The following CUX2 variants were observed in gnomAD, a reference collection of about 807,000 sequenced individuals.
CUX2 encodes the protein homeobox protein cut-like 2.
Under a neutral mutation model 144.8 loss-of-function variants are expected in CUX2, and 40 were observed. That is an observed-to-expected ratio of 0.28 (90% CI 0.21 to 0.36). The LOEUF is 0.36. Ranked by LOEUF, CUX2 falls within the 10% of genes least tolerant of loss-of-function variation. The pLI is 1.00. For missense variants in CUX2, 1,615 were observed against 1,994.0 expected (o/e 0.81, Z 3.62); for synonymous variants, 827 against 875.6 (o/e 0.94, Z 0.98).
Position 111,320,212 on chromosome 12 carries a change from A to G in CUX2, c.2203A>G (p.Thr735Ala), listed in dbSNP as rs771565607. The part of the protein sequence containing the change: ...PSPPERPSLA[T>A]ASQNGAPALV... ...GCCCCCGGAGCGGCCATCACTGGCC[A>G]CCGCGAGCCAGAACGGGGCCCCGGC... Residue 735 changes from threonine to alanine, a missense_variant, in exon 17 of 22, where the codon ACC becomes GCC. Transcript: ENST00000261726. The surrounding 1 kb of genome is among the most constrained non-coding windows in gnomAD (Gnocchi z 8.1). 18 of 1,546,498 alleles carry G rather than the reference A, an allele frequency of 1.2e-5. No individual in the cohort carries two copies. Among genetic ancestry groups the G allele is most frequent in the Middle Eastern group, 1.7e-4 (1 of 5,848 alleles).
At chr12:111,049,189 C>T (rs904096652) in intron 1 of CUX2, among the ~76,000 whole-genome samples, 12 of 152,036 alleles carry the variant, frequency 7.9e-5, no homozygotes, top group African/African-American at 2.7e-4. Flanking sequence ...ATCCATCCAT[C>T]CATCCATGAA....
intron 1 of CUX2, among the ~76,000 whole-genome samples, chr12:111,195,491 C>T (rs1880181825): frequency 6.6e-6 from 1 of 152,210 alleles, no homozygotes; most frequent in Admixed American, 6.5e-5. Flanking sequence ...TGTGAGATTT[C>T]AAGGGTACAG....
chr12:111,303,109 TACTC>T (rs1199093780), intron 9 of CUX2, among the ~76,000 whole-genome samples: 3 of 150,314 alleles, frequency 2.0e-5, no homozygotes, highest in African/African-American at 7.4e-5. Flanking sequence ...TAATCCCAGT[TACTC>T]AGGAGGCTGA....
rs868712845 is a variant in CUX2, at chr12:111,289,323, C to A, written c.302-2095C>A. Reference sequence around the variant, plus strand: ...CTAGGACAGGAGGCCTTTGTGATATCAAAGCAAGAGACCCAGATTCGAGTC... The same window carrying A: ...CTAGGACAGGAGGCCTTTGTGATATAAAAGCAAGAGACCCAGATTCGAGTC... On this transcript the variant is annotated intron_variant, in intron 4 of 21. Transcript: ENST00000261726. This position sits in a 1 kb window ranked among gnomAD's most constrained non-coding sequence, Gnocchi z 4.1. 6.6e-6 allele frequency among the ~76,000 whole-genome samples: 1 copy of A among 152,118 alleles called. No individual in the cohort carries two copies. Among genetic ancestry groups the A allele is most frequent in the African/African-American group, 2.4e-5 (1 of 41,422 alleles).
intron 1 of CUX2, among the ~76,000 whole-genome samples, chr12:111,152,302 A>G (rs1252364589): frequency 6.6e-6 from 1 of 152,018 alleles, no homozygotes; most frequent in East Asian, 1.9e-4. Flanking sequence ...ATAAATAAAT[A>G]AAATAAATAA....
intron 3 of CUX2, among the ~76,000 whole-genome samples, chr12:111,224,321 G>T (rs1183033695): frequency 6.6e-6 from 1 of 151,890 alleles, no homozygotes; most frequent in Admixed American, 6.6e-5. Flanking sequence ...TTGCAGCCAG[G>T]CTTCCTGAGA....
intron 1 of CUX2, among the ~76,000 whole-genome samples, chr12:111,084,871 C>T (rs910787476): frequency 3.3e-4 from 50 of 152,058 alleles, no homozygotes; most frequent in Middle Eastern, 3.2e-3. Context: ...GAGGCTGCTG[C>T]GGGGTGCAGG....
At position 111,081,562 on chromosome 12, in the gene CUX2, A is replaced by G. The variant is rs572407727; in HGVS notation, c.63+47322A>G. Among the ~76,000 whole-genome samples the G allele has an allele frequency of 3.9e-5, 6 of 152,172 alleles. No homozygotes were observed. The East Asian group carries it at 1.2e-3, about 30-fold the overall frequency. On this transcript the variant is annotated intron_variant, in intron 1 of 21. Transcript: ENST00000261726. ...AGAAACCGACTCAGCCCCCACCAAG[A>G]CTCATGTAAGGAGGGGCTTCTCCAC...
At chr12:111,292,952 A>G (rs1885768837) in intron 5 of CUX2, among the ~76,000 whole-genome samples, 1 of 152,110 alleles carries the variant, frequency 6.6e-6, no homozygotes. Context: ...GTAAAACCCC[A>G]TCTCTACTAA....
intron 3 of CUX2, among the ~76,000 whole-genome samples, chr12:111,227,329 C>T (rs908340450): frequency 2.6e-5 from 4 of 152,112 alleles, no homozygotes; most frequent in South Asian, 2.1e-4. Context: ...AGCCTAGAGT[C>T]GCCTGGAGCT....
intron 3 of CUX2, among the ~76,000 whole-genome samples, chr12:111,218,701 A>G (rs779855279): frequency 6.6e-6 from 1 of 152,146 alleles, no homozygotes; most frequent in Non-Finnish European, 1.5e-5. Context: ...CACAGTTACC[A>G]GCCCAACCAG....
chr12:111,312,103 G>C lies in CUX2; in HGVS notation c.1904G>C (p.Ser635Thr). Reference sequence around the variant, plus strand: ...AGATGCCTTCTTGCCTCCCCAGGCAGCATCACCCCGAGAATCCGCACGCCT... The same window carrying C: ...AGATGCCTTCTTGCCTCCCCAGGCACCATCACCCCGAGAATCCGCACGCCT... ...LRTIQVRQRG[S>T]ITPRIRTPET... Residue 635 changes from serine (S) to threonine (T), a missense_variant, in exon 16 of 22, where the codon AGC (serine) becomes ACC (threonine). By Grantham distance (58) the Ser-to-Thr change is moderately conservative (BLOSUM62 1). Transcript: ENST00000261726. The surrounding 1 kb of genome is among the most constrained non-coding windows in gnomAD (Gnocchi z 4.3). The C allele has an allele frequency of 6.2e-7, 1 of 1,608,562 alleles. No individual in the cohort carries two copies. Among genetic ancestry groups the C allele is most frequent in the Non-Finnish European group, 8.5e-7 (1 of 1,175,816 alleles).
At chr12:111,262,870 C>T (rs1884195558) in intron 3 of CUX2, among the ~76,000 whole-genome samples, 1 of 152,182 alleles carries the variant, frequency 6.6e-6, no homozygotes, top group Non-Finnish European at 1.5e-5. Flanking sequence ...AAACATGTAT[C>T]ATATTTGAAC....
chr12:111,316,319 A>T (rs1592957710), intron 16 of CUX2, among the ~76,000 whole-genome samples: 1 of 125,062 alleles, frequency 8.0e-6, no homozygotes, highest in African/African-American at 3.4e-5. Flanking sequence ...TTTTTTTTTT[A>T]ATTTTTAGTA....
In CUX2 at chr12:111,068,987, T is replaced by C. The variant is rs1008306293; in HGVS notation, c.63+34747T>C. The stretch of plus-strand genomic sequence containing the variant: ...CGGACTGGGTGGCCTGTACCTGTAA[T>C]CTCAGCTACTCGGGAGGCTGAGGCA... On this transcript the variant is annotated intron_variant, in intron 1 of 21. Transcript: ENST00000261726. This position sits in a 1 kb window ranked among gnomAD's most constrained non-coding sequence, Gnocchi z 4.9. Among the ~76,000 whole-genome samples the C allele has an allele frequency of 4.6e-5, 7 of 152,098 alleles. No homozygotes were observed. Among genetic ancestry groups the C allele is most frequent in the Non-Finnish European group, 8.8e-5 (6 of 68,028 alleles).
At chr12:111,329,313 C>T (rs1887983303) in intron 18 of CUX2, among the ~76,000 whole-genome samples, 1 of 151,834 alleles carries the variant, frequency 6.6e-6, no homozygotes. Flanking sequence ...GACCCTGCCT[C>T]TCCCTGTCGT....
intron 1 of CUX2, among the ~76,000 whole-genome samples, chr12:111,155,510 A>G (rs1457758287): frequency 6.6e-6 from 1 of 152,184 alleles, no homozygotes; most frequent in African/African-American, 2.4e-5. Flanking sequence ...TGCACTCCCA[A>G]TGAAAATTGC....
intron 1 of CUX2, among the ~76,000 whole-genome samples, chr12:111,192,869 C>A (rs1278305179): frequency 2.0e-5 from 3 of 152,230 alleles, no homozygotes; most frequent in African/African-American, 7.2e-5. Context: ...ATCATCGTTC[C>A]TATGGCTAAT....
chr12:111,195,407 T>G (rs1256672720), intron 1 of CUX2, among the ~76,000 whole-genome samples: 1 of 152,118 alleles, frequency 6.6e-6, no homozygotes, highest in East Asian at 1.9e-4. Context: ...AAAACATTGC[T>G]TTAGAATAGA....
Sources: allele counts gnomAD v4.1 joint callset (sites outside exome capture counted in the v4.1 genomes callset), GRCh38; gene constraint gnomAD v4.1.1; non-coding constraint Gnocchi (gnomAD v3.1); transcripts MANE v1.5; gene names NCBI Gene and HGNC (gene_info 2026-07-23, HGNC 2026-07-21).